CRPPA: variants seen among roughly 807,000 people sequenced by gnomAD.
CRPPA encodes D-ribitol-5-phosphate cytidylyltransferase.
CRPPA carries 43 observed loss-of-function variants against 52.0 expected under a neutral mutation model. That is an observed-to-expected ratio of 0.83 (90% CI 0.65 to 1.07). The LOEUF is 1.07. Among genes scored for constraint, CRPPA ranks in the 50% least tolerant of loss-of-function variants. CRPPA has a pLI of 0.00. For missense variants in CRPPA, 629 were observed against 551.7 expected, an observed-to-expected ratio of 1.14 and a Z score of -1.40; for synonymous variants, 250 against 203.5, an observed-to-expected ratio of 1.23 and a Z score of -1.94.
intron 9 of CRPPA, among the ~76,000 whole-genome samples, chr7:16,175,365 C>T (rs1340630609): frequency 2.6e-5 from 4 of 152,050 alleles, no homozygotes; most frequent in Admixed American, 2.6e-4. Context: ...TAAAGTGATT[C>T]CACTTTTAAC....
intron 3 of CRPPA, among the ~76,000 whole-genome samples, chr7:16,324,538 A>T (rs183626020): frequency 3.7e-4 from 57 of 152,316 alleles, no homozygotes; most frequent in African/African-American, 1.2e-3. Context: ...CTGGCCTTTG[A>T]TGCAGTTAGA....
intron 6 of CRPPA, among the ~76,000 whole-genome samples, chr7:16,275,403 G>C (rs1007213589): frequency 6.6e-6 from 1 of 152,180 alleles, no homozygotes; most frequent in Non-Finnish European, 1.5e-5. Flanking sequence ...GCACCAGCCT[G>C]AGAAGTCTAG....
intron 9 of CRPPA, among the ~76,000 whole-genome samples, chr7:16,093,574 C>A (rs1476543760): frequency 1.3e-5 from 2 of 152,128 alleles, no homozygotes; most frequent in Non-Finnish European, 2.9e-5. Flanking sequence ...AGCTACTTCA[C>A]TTCTTGAAAG....
intron 1 of CRPPA, among the ~76,000 whole-genome samples, chr7:16,414,075 C>T (rs750710688): frequency 6.6e-6 from 1 of 152,012 alleles, no homozygotes; most frequent in East Asian, 1.9e-4. Context: ...TAGGGGAGGC[C>T]GAGTTATAAC....
intron 1 of CRPPA, among the ~76,000 whole-genome samples, chr7:16,415,334 T>C (rs965725309): frequency 5.3e-5 from 8 of 152,220 alleles, no homozygotes; most frequent in African/African-American, 1.4e-4. Context: ...GAAAACTTCC[T>C]TGAGTCATCT....
At chr7:16,184,603 C>A (rs1462132457) in intron 9 of CRPPA, among the ~76,000 whole-genome samples, 3 of 152,064 alleles carry the variant, frequency 2.0e-5, no homozygotes, top group African/African-American at 7.2e-5. Flanking sequence ...CAGAGACACC[C>A]CAGGGCAATA....
At chr7:16,416,216 A>G (rs1296022621) in intron 1 of CRPPA, among the ~76,000 whole-genome samples, 2 of 152,186 alleles carry the variant, frequency 1.3e-5, no homozygotes, top group Non-Finnish European at 2.9e-5. Flanking sequence ...GACCAATGGA[A>G]CAGAACAGAG....
At chr7:16,105,482 C>T (rs753063553) in intron 9 of CRPPA, among the ~76,000 whole-genome samples, 1 of 152,156 alleles carries the variant, frequency 6.6e-6, no homozygotes, top group Non-Finnish European at 1.5e-5. Context: ...AGAAAGCCCA[C>T]TTTGGTTTTA....
intron 9 of CRPPA, among the ~76,000 whole-genome samples, chr7:16,167,433 A>G (rs1309426025): frequency 6.6e-6 from 1 of 152,226 alleles, no homozygotes; most frequent in African/African-American, 2.4e-5. Context: ...GAAGGTGATC[A>G]GTACATTCAA....
At chr7:16,295,289 G>C (rs543114420) in intron 5 of CRPPA, among the ~76,000 whole-genome samples, 1 of 152,072 alleles carries the variant, frequency 6.6e-6, no homozygotes, top group Admixed American at 6.6e-5. Context: ...AAGAATTTCA[G>C]AGAAAATCAA....
intron 5 of CRPPA, among the ~76,000 whole-genome samples, chr7:16,284,862 G>T (rs746240666): frequency 6.6e-6 from 1 of 152,048 alleles, no homozygotes; most frequent in South Asian, 2.1e-4. Context: ...GACTGTACTT[G>T]TACCACGTGT....
At chr7:16,213,247 G>A (rs1782199594) in intron 9 of CRPPA, among the ~76,000 whole-genome samples, 1 of 152,204 alleles carries the variant, frequency 6.6e-6, no homozygotes, top group African/African-American at 2.4e-5. Flanking sequence ...TTGTATCATG[G>A]ATCTTAATGA....
At chr7:16,361,005 C>T (rs1476902383) in intron 3 of CRPPA, among the ~76,000 whole-genome samples, 1 of 152,056 alleles carries the variant, frequency 6.6e-6, no homozygotes, top group Non-Finnish European at 1.5e-5. Flanking sequence ...TAAAGAACTC[C>T]TAAACTCGAC....
In CRPPA at chr7:16,172,699, T is replaced by C. The variant is rs191877785; in HGVS notation, c.1251+43367A>G. On this transcript the variant is annotated intron_variant, in intron 9 of 9. Transcript: ENST00000407010. ...ATGTGATCCTTAAATAGTTCTAGAA[T>C]AGGCATGTAGGTAATTGACAAGATA... Among the ~76,000 whole-genome samples, 11 of 152,298 alleles carry C rather than the reference T, an allele frequency of 7.2e-5. No individual in the cohort carries two copies. The East Asian group carries it at 1.4e-3, about 19-fold the overall frequency.
chr7:16,224,379 C>T (rs757458454), intron 8 of CRPPA, among the ~76,000 whole-genome samples: 68 of 152,074 alleles, frequency 4.5e-4, no homozygotes, highest in African/African-American at 1.2e-3. Context: ...TTAACACTTT[C>T]GTCTCATTGC....
At chr7:16,104,170 G>T (rs1190192871) in intron 9 of CRPPA, among the ~76,000 whole-genome samples, 2 of 152,164 alleles carry the variant, frequency 1.3e-5, no homozygotes, top group Non-Finnish European at 2.9e-5. Context: ...TTCCTTCCAA[G>T]AAGGTGGCCA....
chr7:16,376,227 A>G lies in CRPPA; in HGVS notation c.549T>C (p.Ile183=), dbSNP rs770720830. The G allele has an allele frequency of 3.7e-6, 6 of 1,607,324 alleles. No individual in the cohort carries two copies. Among genetic ancestry groups the G allele is most frequent in the Non-Finnish European group, 5.1e-6 (6 of 1,177,328 alleles). Residue 183 remains isoleucine (I), a synonymous_variant, in exon 3 of 10, where the codon ATT becomes ATC. Transcript: ENST00000407010. ...AAKEHGAAGA[I]RPLVSTVVSP... is the part of the protein sequence containing the mutation. ...TGACGACAGTAGATACAAGAGGTCG[A>G]ATGGCTCCTGCTGCCTGAAGAACAA...
intron 3 of CRPPA, among the ~76,000 whole-genome samples, chr7:16,364,779 G>A (rs555190957): frequency 2.0e-5 from 3 of 152,176 alleles, no homozygotes; most frequent in Admixed American, 2.0e-4. Context: ...AGCAAATCAG[G>A]GAGTAAATTT....
At chr7:16,277,485 A>T (rs1219247192) in intron 6 of CRPPA, 1 of 152,206 alleles carries the variant, frequency 6.6e-6, no homozygotes, top group African/African-American at 2.4e-5. Context: ...TTGGATTAGA[A>T]GTTATATATT....
Sources: gnomAD v4.1 joint callset for allele counts (sites outside exome capture counted in the v4.1 genomes callset) on GRCh38, gnomAD v4.1.1 for gene constraint, MANE v1.5 for transcripts, NCBI Gene and HGNC (gene_info 2026-07-23, HGNC 2026-07-21) for gene names.